The following MAPK7 variants were observed in gnomAD, a reference collection of about 807,000 sequenced individuals.
The protein encoded by MAPK7 is BMK-1.
In MAPK7, 30 loss-of-function variants were observed where a neutral mutation model predicts 56.9. That is an observed-to-expected ratio of 0.53 (90% CI 0.39 to 0.72). The LOEUF (loss-of-function observed/expected upper bound fraction) is 0.72, where lower values mean the gene tolerates loss of function less well. MAPK7 is among the 30% of genes least tolerant of loss of function. The pLI is 0.00. For missense variants in MAPK7, 952 were observed against 1,110.8 expected, an observed-to-expected ratio of 0.86 and a Z score of 2.03; for synonymous variants, 516 against 449.3, an observed-to-expected ratio of 1.15 and a Z score of -1.88.
chr17:19,379,179 G>C, intron 2 of MAPK7, 47 bp downstream of exon 2: 1 of 1,560,054 alleles, frequency 6.4e-7, no homozygotes, highest in Non-Finnish European at 8.7e-7. Context: ...GCGTCGCAGG[G>C]AGTGGGAAAC....
In MAPK7 at chr17:19,380,687, C is replaced by A; in HGVS notation, c.478C>A (p.Arg160Ser). 6.2e-7 allele frequency: 1 copy of A among 1,614,156 alleles called. No homozygotes were observed. The highest frequency in any genetic ancestry group is 8.5e-7 in the Non-Finnish European group (1 of 1,180,008). ...SSQPLTLEHV[R>S]YFLYQLLRGL... ...ACAGCCCCTCACACTGGAACACGTG[C>A]GCTACTTCCTGTACCAACTGCTGCG... Residue 160 changes from arginine (R) to serine (S), a missense_variant, in exon 4 of 7, where the codon CGC becomes AGC. By Grantham distance (110) the Arg-to-Ser change is moderately radical. Coordinates refer to ENST00000395604, the MANE Select transcript of MAPK7 (RefSeq NM_002749.4).
At chr17:19,379,727 ACT>A (rs1912478174) in intron 2 of MAPK7, 53 bp from the exon 3 acceptor site, 19 of 1,562,830 alleles carry the variant, frequency 1.2e-5, no homozygotes, top group Admixed American at 1.8e-5. Context: ...GGCTGAGTCG[ACT>A]CTGCAGTTTC....
In MAPK7 at chr17:19,381,899, G is replaced by GA; in HGVS notation, c.1599dup (p.Arg534ThrfsTer21). ...GGCAAGAACGAGCCAAGGAGCGGGAGAAACGGCGGCAGGAGCGGGAGCGAA... is the reference window on the plus strand; with the variant it reads ...GGCAAGAACGAGCCAAGGAGCGGGAGAAAACGGCGGCAGGAGCGGGAGCGAA... On this transcript the variant is annotated frameshift_variant, in exon 5 of 7. Coordinates refer to ENST00000395604, the MANE Select transcript of MAPK7 (RefSeq NM_002749.4). LOFTEE classifies it high-confidence loss of function. The surrounding 1 kb of genome is among the most constrained non-coding windows in gnomAD (Gnocchi z 4.6). The GA allele has an allele frequency of 6.4e-7, 1 of 1,561,872 alleles. No homozygotes were observed. The highest frequency in any genetic ancestry group is 8.7e-7 in the Non-Finnish European group (1 of 1,152,750).
Position 19,383,067 on chromosome 17 carries a change from T to C in MAPK7, c.2298-11T>C, listed in dbSNP as rs959783001. On this transcript the variant is annotated splice_polypyrimidine_tract_variant and intron_variant, in intron 6 of 6. Coordinates refer to ENST00000395604, the MANE Select transcript of MAPK7 (RefSeq NM_002749.4). The stretch of plus-strand genomic sequence containing the variant: ...AGGCTAATAGCACCCCTCCCTTTCC[T>C]TCCCCTGCAGCCAGGCAGATTCAGC... 7 of 1,613,854 alleles carry C rather than the reference T, an allele frequency of 4.3e-6. No homozygotes were observed. The African/African-American group carries it at 8.0e-5, about 18-fold the overall frequency.
chr17:19,381,926 G>C lies in MAPK7; in HGVS notation c.1623G>C (p.Lys541Asn), dbSNP rs1395572311. The C allele has an allele frequency of 3.2e-6, 5 of 1,552,654 alleles. No homozygotes were observed. Among genetic ancestry groups the C allele is most frequent in the Non-Finnish European group, 3.5e-6 (4 of 1,147,652 alleles). ...REKRRQERER[K>N]ERGAGASGGP... ...AACGGCGGCAGGAGCGGGAGCGAAA[G>C]GAACGGGGGGCTGGGGCCTCTGGGG... Residue 541 changes from lysine (K) to asparagine (N), a missense_variant, in exon 5 of 7, where the codon AAG (lysine) becomes AAC (asparagine). Physicochemically the swap from Lys to Asn is moderately conservative, Grantham distance 94 (BLOSUM62 0). Around this residue, in one of 5 missense-constraint regions of MAPK7, gnomAD observed 429 missense variants for 533.0 expected, o/e 0.80. Coordinates refer to ENST00000395604, the MANE Select transcript of MAPK7 (RefSeq NM_002749.4). This position sits in a 1 kb window ranked among gnomAD's most constrained non-coding sequence, Gnocchi z 4.6.
At position 19,383,371 on chromosome 17, in the gene MAPK7, A is replaced by G. The variant is rs1912889049; in HGVS notation, c.*140A>G. On this transcript the variant is annotated 3_prime_UTR_variant, in exon 7 of 7. Coordinates refer to ENST00000395604, the MANE Select transcript of MAPK7 (RefSeq NM_002749.4). ...CAGGTTCATCTCAGACCCACCTTTC[A>G]GCCTTAAGCAGCCACCTGAGCCACC... 6.9e-6 allele frequency: 6 copies of G among 865,374 alleles called. No individual in the cohort carries two copies. Among genetic ancestry groups the G allele is most frequent in the Non-Finnish European group, 1.0e-5 (6 of 586,122 alleles). The allele number at this position is 865,374 out of a possible 1,614,324, so 53.6% of individuals were successfully genotyped here. A position where few individuals can be genotyped will look rare whatever the true frequency, so the allele number is the denominator to read the frequency against.
rs1912707477 is a variant in MAPK7, at chr17:19,381,858, G to C, written c.1555G>C (p.Glu519Gln). ...TAQERQRERE[E>Q]KRRRRQERAK... is the part of the protein sequence containing the mutation. ...CCAGGAGCGCCAGCGGGAGCGGGAGGAGAAGCGGCGGAGGCGGCAAGAACG... is the reference window on the plus strand; with the variant it reads ...CCAGGAGCGCCAGCGGGAGCGGGAGCAGAAGCGGCGGAGGCGGCAAGAACG... The change falls in exon 5 of 7, where the codon GAG becomes CAG. Residue 519 changes from glutamate (E) to glutamine (Q), a missense_variant. Glu to Gln is a conservative substitution (Grantham distance 29). Coordinates refer to ENST00000395604, the MANE Select transcript of MAPK7 (RefSeq NM_002749.4). This position sits in a 1 kb window ranked among gnomAD's most constrained non-coding sequence, Gnocchi z 4.6. The C allele has an allele frequency of 5.0e-6, 8 of 1,586,038 alleles. No homozygotes were observed. In the East Asian group the frequency reaches 1.8e-4, roughly 36 times the overall value.
Position 19,378,588 on chromosome 17 carries a change from C to G in MAPK7, c.-48C>G. The G allele has an allele frequency of 3.2e-6, 4 of 1,239,074 alleles. No homozygotes were observed. Among genetic ancestry groups the G allele is most frequent in the Non-Finnish European group, 4.1e-6 (4 of 985,656 alleles). The allele number at this position is 1,239,074 out of a possible 1,614,324, so 76.8% of individuals were successfully genotyped here. A position where few individuals can be genotyped will look rare whatever the true frequency, so the allele number is the denominator to read the frequency against. On this transcript the variant is annotated 5_prime_UTR_variant, in exon 1 of 7. Coordinates refer to ENST00000395604, the MANE Select transcript of MAPK7 (RefSeq NM_002749.4). The surrounding 1 kb of genome is among the most constrained non-coding windows in gnomAD (Gnocchi z 5.4). ...GACCCCCGCGCTGGGGACGGGAGGC[C>G]GGCGAGCCTCGGGACCTCTGAAAGC...
Position 19,380,051 on chromosome 17 carries a change from G to T in MAPK7, c.398+104G>T, listed in dbSNP as rs1169921246. 9 of 1,363,854 alleles carry T rather than the reference G, an allele frequency of 6.6e-6. No individual in the cohort carries two copies. In the Admixed American group the frequency reaches 1.9e-4, roughly 29 times the overall value. The allele number at this position is 1,363,854 out of a possible 1,614,324, so 84.5% of individuals were successfully genotyped here. ...GGCAGCTGAATCTAATCTGAAGCAG[G>T]CTGGGAAAATTCCCGCAGTTCTAGG... On this transcript the variant is annotated intron_variant, in intron 3 of 6. Coordinates refer to ENST00000395604, the MANE Select transcript of MAPK7 (RefSeq NM_002749.4).
chr17:19,382,931 A>G lies in MAPK7; in HGVS notation c.2282A>G (p.Asp761Gly), dbSNP rs1232408243. 5.6e-6 allele frequency: 9 copies of G among 1,614,184 alleles called. No individual in the cohort carries two copies. The highest frequency in any genetic ancestry group is 7.6e-6 in the Non-Finnish European group (9 of 1,179,986). The change falls in exon 6 of 7, where the codon GAT becomes GGT. Residue 761 changes from aspartate (D) to glycine (G), a missense_variant. By Grantham distance (94) the Asp-to-Gly change is moderately conservative. Coordinates refer to ENST00000395604, the MANE Select transcript of MAPK7 (RefSeq NM_002749.4). ...LNQSFDMGVADGPQDGQADSA... is the reference protein window; with the variant it reads ...LNQSFDMGVAGGPQDGQADSA... ...CAGTCTTTCGACATGGGCGTGGCTGATGGGCCACAGGATGGGTAAGGTGGC... is the reference window on the plus strand; with the variant it reads ...CAGTCTTTCGACATGGGCGTGGCTGGTGGGCCACAGGATGGGTAAGGTGGC...
In MAPK7 at chr17:19,378,881, CGA is replaced by C; in HGVS notation, c.-5-13_-5-12del. On this transcript the variant is annotated splice_polypyrimidine_tract_variant and intron_variant, in intron 1 of 6. Coordinates refer to ENST00000395604, the MANE Select transcript of MAPK7 (RefSeq NM_002749.4). This position sits in a 1 kb window ranked among gnomAD's most constrained non-coding sequence, Gnocchi z 5.4. ...CACGGTAGGTGGTCCTCTCCTCACC[CGA>C]GTCTCCACACAGACACCATGGCCGA... 6.5e-7 allele frequency: 1 copy of C among 1,545,280 alleles called. No homozygotes were observed. Among genetic ancestry groups the C allele is most frequent in the Non-Finnish European group, 8.8e-7 (1 of 1,141,194 alleles).
Position 19,381,118 on chromosome 17 carries a change from A to G in MAPK7, c.909A>G (p.Pro303=), listed in dbSNP as rs1598114641. The G allele has an allele frequency of 6.2e-7, 1 of 1,613,802 alleles. No homozygotes were observed. Residue 303 remains proline (P), a synonymous_variant, in exon 4 of 7, where the codon CCA becomes CCG. Coordinates refer to ENST00000395604, the MANE Select transcript of MAPK7 (RefSeq NM_002749.4). This position sits in a 1 kb window ranked among gnomAD's most constrained non-coding sequence, Gnocchi z 4.6. ...RVRAYIQSLP[P]RQPVPWETVY... Reference sequence around the variant, plus strand: ...GGGCCTATATCCAGAGCTTGCCACCACGCCAGCCTGTGCCCTGGGAGACAG... The same window carrying G: ...GGGCCTATATCCAGAGCTTGCCACCGCGCCAGCCTGTGCCCTGGGAGACAG...
Position 19,381,842 on chromosome 17 carries a change from C to T in MAPK7, c.1539C>T (p.Arg513=), listed in dbSNP as rs759848385. 30 of 1,586,250 alleles carry T rather than the reference C, an allele frequency of 1.9e-5. No individual in the cohort carries two copies. The East Asian group carries it at 6.8e-4, about 36-fold the overall frequency. ...EPRKPVTAQE[R]QREREEKRRR... is the part of the protein sequence containing the mutation. The stretch of plus-strand genomic sequence containing the variant: ...GGAAGCCGGTGACAGCCCAGGAGCG[C>T]CAGCGGGAGCGGGAGGAGAAGCGGC... The change falls in exon 5 of 7, where the codon CGC becomes CGT. Residue 513 remains arginine, a synonymous_variant. Transcript: ENST00000395604. This position sits in a 1 kb window ranked among gnomAD's most constrained non-coding sequence, Gnocchi z 4.6.
chr17:19,382,210 C>T lies in MAPK7; in HGVS notation c.1907C>T (p.Pro636Leu). ...GTACCCCAGCCTGCCTGCCCACCCC[C>T]TGGCCCTGCACCCCACCCCACTGGC... The part of the protein sequence containing the change: ...GPVPQPACPP[P>L]GPAPHPTGPP... The change falls in exon 5 of 7, where the codon CCT becomes CTT. Residue 636 changes from proline (P) to leucine (L), a missense_variant. Pro to Leu is a moderately conservative substitution (Grantham distance 98). Coordinates refer to ENST00000395604, the MANE Select transcript of MAPK7 (RefSeq NM_002749.4). 3.7e-6 allele frequency: 6 copies of T among 1,611,832 alleles called. No individual in the cohort carries two copies. Among genetic ancestry groups the T allele is most frequent in the Non-Finnish European group, 2.5e-6 (3 of 1,179,464 alleles).
rs1912319614 is a variant in MAPK7 at position 19,378,672 on chromosome 17, C to T, written c.-6+42C>T. On this transcript the variant is annotated intron_variant, in intron 1 of 6. Transcript: ENST00000395604. This position sits in a 1 kb window ranked among gnomAD's most constrained non-coding sequence, Gnocchi z 5.4. ...GGAAACCCAGGTGCCCCGCCCCTCC[C>T]TTTCTTCCTGGCCCGCGCCTCGCCT... 8.5e-6 allele frequency: 12 copies of T among 1,412,920 alleles called. 1 individual carries two copies. Among genetic ancestry groups the T allele is most frequent in the Non-Finnish European group, 1.0e-5 (11 of 1,087,858 alleles). 87.5% of individuals were successfully genotyped at this position (1,412,920 alleles called of 1,614,324 possible).
chr17:19,382,934 G>A lies in MAPK7; in HGVS notation c.2285G>A (p.Gly762Glu), dbSNP rs767647117. 3 of 1,614,190 alleles carry A rather than the reference G, an allele frequency of 1.9e-6. No individual in the cohort carries two copies. In the East Asian group the frequency reaches 6.7e-5, roughly 36 times the overall value. The change falls in exon 6 of 7, where the codon GGG becomes GAG. Residue 762 changes from glycine (G) to glutamate (E), a missense_variant. Around this residue, in one of 5 missense-constraint regions of MAPK7, gnomAD observed 73 missense variants for 104.6 expected, o/e 0.70. Transcript: ENST00000395604. The part of the protein sequence containing the change: ...NQSFDMGVAD[G>E]PQDGQADSAS... ...TCTTTCGACATGGGCGTGGCTGATGGGCCACAGGATGGGTAAGGTGGCTGG... is the reference window on the plus strand; with the variant it reads ...TCTTTCGACATGGGCGTGGCTGATGAGCCACAGGATGGGTAAGGTGGCTGG...
rs1201235599 is a variant in MAPK7 at position 19,381,833 on chromosome 17, C to G, written c.1530C>G (p.Ala510=). The change falls in exon 5 of 7, where the codon GCC becomes GCG. Residue 510 remains alanine (A), a synonymous_variant. Transcript: ENST00000395604. The surrounding 1 kb of genome is among the most constrained non-coding windows in gnomAD (Gnocchi z 4.6). ...CTGAGCCTCGGAAGCCGGTGACAGC[C>G]CAGGAGCGCCAGCGGGAGCGGGAGG... is the stretch of plus-strand genomic sequence containing the variant. The part of the protein sequence containing the change: ...EAPEPRKPVT[A]QERQREREEK... 5 of 1,583,930 alleles carry G rather than the reference C, an allele frequency of 3.2e-6. No homozygotes were observed. Among genetic ancestry groups the G allele is most frequent in the South Asian group, 1.2e-5 (1 of 85,542 alleles).
chr17:19,380,475 T>C (rs1159204409), intron 3 of MAPK7, 133 bp from the exon 4 acceptor site: 3 of 1,450,304 alleles, frequency 2.1e-6, no homozygotes, highest in Non-Finnish European at 2.7e-6. Context: ...TTCCATACCA[T>C]GCCGTCAGCC....
chr17:19,380,345 G>T, intron 3 of MAPK7: 1 of 808,252 alleles, frequency 1.2e-6, no homozygotes, highest in Non-Finnish European at 1.8e-6. Context: ...AAACCTATTG[G>T]CCAGCCCTGG....
Sources: allele counts gnomAD v4.1 joint callset, GRCh38; gene constraint gnomAD v4.1.1; regional missense constraint gnomAD v4.1.1; non-coding constraint Gnocchi (gnomAD v3.1); transcripts MANE v1.5; gene names NCBI Gene and HGNC (gene_info 2026-07-23, HGNC 2026-07-21).